PCDHA3: variants seen among roughly 807,000 people sequenced by gnomAD.
PCDHA3 encodes protocadherin alpha-3.
Under a neutral mutation model 62.2 loss-of-function variants are expected in PCDHA3, and 41 were observed. That is an observed-to-expected ratio of 0.66 (90% confidence interval 0.51 to 0.86). The LOEUF is 0.86. Among genes scored for constraint, PCDHA3 ranks in the 40% least tolerant of loss-of-function variants. PCDHA3 has a pLI of 0.00. For synonymous variants in PCDHA3, 640 were observed against 555.4 expected, an observed-to-expected ratio of 1.15 and a Z score of -2.14; for missense variants, 1,304 against 1,241.2, an observed-to-expected ratio of 1.05 and a Z score of -0.76.
chr5:140,848,776 A>G (rs2150250036), intron 1 of PCDHA3: 1 of 1,593,226 alleles, frequency 6.3e-7, no homozygotes, highest in East Asian at 2.2e-5. Flanking sequence ...GACCGCGAGG[A>G]GCTGTGCGGG....
At chr5:140,841,728 A>G (rs1777450155) in intron 1 of PCDHA3, 3 of 1,613,768 alleles carry the variant, frequency 1.9e-6, no homozygotes, top group Admixed American at 3.3e-5. Flanking sequence ...TTCCGGGTAA[A>G]AGACCAAAAG....
At chr5:140,810,228 T>C (rs1333257173) in intron 1 of PCDHA3, 1 of 152,266 alleles carries the variant, frequency 6.6e-6, no homozygotes, top group African/African-American at 2.4e-5. Flanking sequence ...CTATACCTTA[T>C]TTATTCTACT....
intron 1 of PCDHA3, chr5:140,829,756 G>T (rs1251312679): frequency 1.9e-5 from 31 of 1,613,620 alleles, no homozygotes; most frequent in Non-Finnish European, 2.5e-5. Context: ...AGGTGTTCGT[G>T]CTGGACGAGA....
At chr5:140,987,515 T>TA (rs2097257557) in intron 3 of PCDHA3, among the ~76,000 whole-genome samples, 1 of 152,160 alleles carries the variant, frequency 6.6e-6, no homozygotes, top group African/African-American at 2.4e-5. Flanking sequence ...TGCCACTCAG[T>TA]AATTGTATGT....
At chr5:140,868,942 C>A (rs1238492263) in intron 1 of PCDHA3, 2 of 1,255,934 alleles carry the variant, frequency 1.6e-6, no homozygotes, top group South Asian at 1.6e-5. Flanking sequence ...TTGGTCTGAA[C>A]AGTGAGGCAC....
chr5:140,863,416 C>A, intron 1 of PCDHA3: 6 of 719,752 alleles, frequency 8.3e-6, no homozygotes, highest in African/African-American at 1.8e-5. Flanking sequence ...GCTGGTGTAC[C>A]GCAGCGTAGT....
At chr5:140,811,828 C>T (rs1554125821) in intron 1 of PCDHA3, 1 of 152,138 alleles carries the variant, frequency 6.6e-6, no homozygotes, top group East Asian at 1.9e-4. Context: ...ATATCCTTTG[C>T]CCACTTTTTG....
chr5:140,830,075 A>ACC, intron 1 of PCDHA3: 1 of 1,613,594 alleles, frequency 6.2e-7, no homozygotes, highest in Non-Finnish European at 8.5e-7. Context: ...GCTGACAGCG[A>ACC]CGGCCACGGT....
At chr5:140,958,495 C>A (rs559117374) in intron 1 of PCDHA3, among the ~76,000 whole-genome samples, 1 of 152,020 alleles carries the variant, frequency 6.6e-6, no homozygotes, top group Non-Finnish European at 1.5e-5. Flanking sequence ...TCCACATATC[C>A]TAGGAGGCAT....
chr5:140,853,035 T>C (rs1292351508), intron 1 of PCDHA3: 9 of 256,094 alleles, frequency 3.5e-5, no homozygotes, highest in South Asian at 1.5e-4. Context: ...CCTGCCACCA[T>C]GCCCGCCTAA....
At chr5:140,948,620 TTAA>T (rs1422284059) in intron 1 of PCDHA3, among the ~76,000 whole-genome samples, 3 of 151,714 alleles carry the variant, frequency 2.0e-5, no homozygotes, top group Non-Finnish European at 4.4e-5. Context: ...CACAAAGTTG[TTAA>T]TAATATTCTC....
intron 1 of PCDHA3, chr5:140,862,752 G>A (rs554442218): frequency 5.2e-6 from 3 of 577,754 alleles, no homozygotes; most frequent in East Asian, 4.7e-5. Flanking sequence ...TGCACGCGGA[G>A]AGCGGCAAGA....
At chr5:140,842,107 C>CA (rs1468350486) in intron 1 of PCDHA3, 1 of 1,613,738 alleles carries the variant, frequency 6.2e-7, no homozygotes, top group Non-Finnish European at 8.5e-7. Context: ...CAACAGTTAT[C>CA]AAACTGAATG....
chr5:140,843,635 T>C (rs1554140305), intron 1 of PCDHA3: 2 of 1,595,882 alleles, frequency 1.3e-6, no homozygotes, highest in Non-Finnish European at 1.7e-6. Flanking sequence ...CCTCATGGCC[T>C]TCAGCCCCTG....
intron 1 of PCDHA3, chr5:140,816,846 T>G (rs1327964191): frequency 2.6e-5 from 4 of 152,194 alleles, no homozygotes; most frequent in African/African-American, 9.7e-5. Context: ...CTGTGTGCTG[T>G]ACTGTGGGCC....
Position 140,801,202 on chromosome 5 carries a change from T to G in PCDHA3, c.5T>G (p.Leu2Trp). The G allele has an allele frequency of 1.3e-6, 2 of 1,598,728 alleles. No homozygotes were observed. The highest frequency in any genetic ancestry group is 1.7e-6 in the Non-Finnish European group (2 of 1,172,322). ...AATATTTGGAAAATACTTGCAATGT[T>G]GTTCTCCTGGCGAGAAGATCCTGGA... M[L>W]FSWREDPGAQ... The change falls in exon 1 of 4, where the codon TTG becomes TGG. Residue 2 changes from leucine (L) to tryptophan (W), a missense_variant. Leu to Trp is a moderately conservative substitution (Grantham distance 61). Coordinates refer to ENST00000522353, the MANE Select transcript of PCDHA3 (RefSeq NM_018906.3).
intron 1 of PCDHA3, among the ~76,000 whole-genome samples, chr5:140,894,946 A>G (rs1463727802): frequency 6.6e-6 from 1 of 152,206 alleles, no homozygotes; most frequent in African/African-American, 2.4e-5. Flanking sequence ...ATTGTCATGA[A>G]ATGATAAAAA....
chr5:140,968,492 G>A (rs2096250539), intron 1 of PCDHA3: 2 of 1,614,074 alleles, frequency 1.2e-6, no homozygotes, highest in African/African-American at 1.3e-5. Flanking sequence ...GAATGACCAT[G>A]CCCCTCACAT....
At chr5:140,849,934 G>C (rs2150458402) in intron 1 of PCDHA3, 4 of 1,598,054 alleles carry the variant, frequency 2.5e-6, no homozygotes, top group Non-Finnish European at 3.4e-6. Flanking sequence ...GTGTCTGCGC[G>C]GGACGCTGAC....
Sources: gnomAD v4.1 joint callset for allele counts (sites outside exome capture counted in the v4.1 genomes callset) on GRCh38, gnomAD v4.1.1 for gene constraint, MANE v1.5 for transcripts, NCBI Gene and HGNC (gene_info 2026-07-23, HGNC 2026-07-21) for gene names.